Variants in USP34 observed in about 807,000 individuals in gnomAD.
USP34 encodes the protein ubiquitin carboxyl-terminal hydrolase 34.
Under a neutral mutation model 460.3 loss-of-function variants are expected in USP34, and 70 were observed. That is an observed-to-expected ratio of 0.15 (90% CI 0.13 to 0.19). The LOEUF is 0.19. Among genes scored for constraint, USP34 ranks in the 10% least tolerant of loss-of-function variants. The probability of loss-of-function intolerance (pLI) is 1.00; values close to 1 mark genes in which losing one functional copy is unlikely to be tolerated. For missense variants in USP34, 3,985 were observed against 4,236.2 expected, an observed-to-expected ratio of 0.94 and a Z score of 1.65; for synonymous variants, 1,647 against 1,405.3, an observed-to-expected ratio of 1.17 and a Z score of -3.85.
chr2:61,248,933 G>C (rs986434142), intron 48 of USP34, among the ~76,000 whole-genome samples: 2 of 152,076 alleles, frequency 1.3e-5, no homozygotes, highest in East Asian at 1.9e-4. Context: ...TTAGAAATTA[G>C]GCACAGCAAG....
chr2:61,221,544 T>C lies in USP34; in HGVS notation c.7857A>G (p.Gly2619=), dbSNP rs922924614. Residue 2619 remains glycine, a synonymous_variant, in exon 66 of 80, where the codon GGA becomes GGG. Transcript: ENST00000398571. ...MLMEFAGGPP[G]MPPFASYILQ... is the part of the protein sequence containing the mutation. ...GAATATAAGATGCAAAGGGAGGCATTCCTGGAGGTCCACCAGCAAACTCCA... is the reference window on the plus strand; with the variant it reads ...GAATATAAGATGCAAAGGGAGGCATCCCTGGAGGTCCACCAGCAAACTCCA... 1.2e-6 allele frequency: 2 copies of C among 1,613,994 alleles called. No homozygotes were observed. The highest frequency in any genetic ancestry group is 1.7e-6 in the Non-Finnish European group (2 of 1,179,980).
At chr2:61,350,174 T>C in intron 12 of USP34, 86 bp downstream of exon 12, 3 of 1,371,264 alleles carry the variant, frequency 2.2e-6, no homozygotes, top group South Asian at 2.9e-5. Flanking sequence ...AAAATAAAGA[T>C]TGAACTGAAT....
chr2:61,207,102 A>C (rs1687141627), intron 70 of USP34: 1 of 450,384 alleles, frequency 2.2e-6, no homozygotes, highest in African/African-American at 2.0e-5. Flanking sequence ...TTTTGTGTGT[A>C]TATTCTAGTC....
rs70963432 is a variant in USP34 at position 61,451,220 on chromosome 2, C to CAAAAAAAAAAAAA, written c.43+19417_43+19429dup. Among the ~76,000 whole-genome samples the CAAAAAAAAAAAAA allele has an allele frequency of 3.4e-3, 174 of 50,758 alleles. 7 individuals carry two copies. The highest frequency in any genetic ancestry group is 4.4e-3 in the Non-Finnish European group (118 of 26,768). 33.3% of individuals were successfully genotyped at this position (50,758 alleles called of 152,430 possible). On this transcript the variant is annotated intron_variant, in intron 1 of 79. Transcript: ENST00000398571. ...CAGGTGACAGTGTGAGGCTTCATCT[C>CAAAAAAAAAAAAA]AAAAAAAAAAAAAAAAAAAAAAAAA... is the stretch of plus-strand genomic sequence containing the variant.
intron 62 of USP34, among the ~76,000 whole-genome samples, chr2:61,226,444 T>C (rs1214376664): frequency 1.3e-5 from 2 of 151,694 alleles, no homozygotes; most frequent in Admixed American, 6.6e-5. Context: ...TACATACACA[T>C]ACACACACAC....
rs1209318994 is a variant in USP34, at chr2:61,245,298, A to G, written c.6549-10T>C. 4 of 1,571,614 alleles carry G rather than the reference A, an allele frequency of 2.5e-6. No homozygotes were observed. Among genetic ancestry groups the G allele is most frequent in the Non-Finnish European group, 3.5e-6 (4 of 1,146,720 alleles). The stretch of plus-strand genomic sequence containing the variant: ...ATCATTAAAAAGATACCTAAAATAG[A>G]GCATATAGTATTAATCTAGTATGCA... On this transcript the variant is annotated splice_polypyrimidine_tract_variant and intron_variant, in intron 50 of 79. Coordinates refer to ENST00000398571, the MANE Select transcript of USP34 (RefSeq NM_014709.4).
chr2:61,453,802 T>A (rs1028814381), intron 1 of USP34, among the ~76,000 whole-genome samples: 1 of 151,714 alleles, frequency 6.6e-6, no homozygotes, highest in Non-Finnish European at 1.5e-5. Context: ...CAGATTTCTA[T>A]GCTTAAAAAT....
At chr2:61,377,798 A>G (rs1572982715) in intron 8 of USP34, among the ~76,000 whole-genome samples, 1 of 152,214 alleles carries the variant, frequency 6.6e-6, no homozygotes, top group Non-Finnish European at 1.5e-5. Context: ...TATCAGTACC[A>G]TATTTTTCAA....
At chr2:61,440,865 CGCCTGTAATCTCAGCACTATGGGAG>C (rs1694944920) in intron 1 of USP34, among the ~76,000 whole-genome samples, 1 of 151,614 alleles carries the variant, frequency 6.6e-6, no homozygotes, top group Non-Finnish European at 1.5e-5. Flanking sequence ...CAGTGGCTCA[CGCCTGTAATCTCAGCACTATGGGAG>C]GCCGAGACGG....
In USP34 at chr2:61,315,148, T is replaced by TA. The variant is rs541354611; in HGVS notation, c.3283-175dup. On this transcript the variant is annotated intron_variant, in intron 23 of 79. Coordinates refer to ENST00000398571, the MANE Select transcript of USP34 (RefSeq NM_014709.4). ...TGATGAAATACACCTGTACTAGTTC[T>TA]AAAAAATATTTATACAGCAGATAAC... is the stretch of plus-strand genomic sequence containing the variant. 2.8e-3 allele frequency among the ~76,000 whole-genome samples: 420 copies of TA among 152,318 alleles called. 1 individual carries two copies. Among genetic ancestry groups the TA allele is most frequent in the African/African-American group, 9.5e-3 (393 of 41,558 alleles).
chr2:61,223,976 C>A (rs1687661528), intron 62 of USP34, among the ~76,000 whole-genome samples: 1 of 152,174 alleles, frequency 6.6e-6, no homozygotes, highest in Non-Finnish European at 1.5e-5. Context: ...TATTCTGAAG[C>A]AAATTCCAGG....
intron 19 of USP34, 139 bp downstream of exon 19, chr2:61,333,743 A>G (rs1316349821): frequency 4.1e-6 from 2 of 485,700 alleles, no homozygotes; most frequent in Non-Finnish European, 6.9e-6. Flanking sequence ...AAGTGGCAGA[A>G]AAATCTAAGA....
At chr2:61,202,760 T>C (rs1052426720) in intron 75 of USP34, among the ~76,000 whole-genome samples, 21 of 152,292 alleles carry the variant, frequency 1.4e-4, no homozygotes, top group African/African-American at 2.6e-4. Context: ...GCTGGCACTA[T>C]AGATCTCATC....
At chr2:61,311,997 GA>G in intron 25 of USP34, 87 bp from the exon 26 acceptor site, 1 of 1,491,754 alleles carries the variant, frequency 6.7e-7, no homozygotes. Context: ...TTACAGACTG[GA>G]AAAGTCCAAA....
At chr2:61,464,125 T>C (rs12713436) in intron 1 of USP34, among the ~76,000 whole-genome samples, 95,393 of 152,116 alleles carry the variant, frequency 0.63, 29,973 homozygotes, top group Middle Eastern at 0.7. Context: ...TCAAGACCAG[T>C]GTGGCCAAAC....
At chr2:61,340,129 G>C (rs1479151193) in intron 16 of USP34, among the ~76,000 whole-genome samples, 3 of 151,676 alleles carry the variant, frequency 2.0e-5, no homozygotes, top group African/African-American at 7.3e-5. Flanking sequence ...GTGTGAATAA[G>C]ACAACATATT....
At chr2:61,313,454 A>G (rs1259358340) in intron 25 of USP34, among the ~76,000 whole-genome samples, 1 of 152,170 alleles carries the variant, frequency 6.6e-6, no homozygotes, top group Non-Finnish European at 1.5e-5. Flanking sequence ...CACAGCATAG[A>G]AAAAATTTTA....
chr2:61,266,234 T>A (rs931809408), intron 41 of USP34, 67 bp from the exon 42 acceptor site: 32 of 1,419,622 alleles, frequency 2.3e-5, no homozygotes, highest in Non-Finnish European at 3.0e-5. Context: ...ATAGTTAACA[T>A]ATACACAGGA....
At chr2:61,265,238 A>G (rs996257318) in intron 43 of USP34, 159 bp downstream of exon 43, 15 of 770,666 alleles carry the variant, frequency 1.9e-5, no homozygotes, top group African/African-American at 1.1e-4. Flanking sequence ...ACTAAAATGT[A>G]TAACTATGTA....
Sources: gnomAD v4.1 joint callset for allele counts (sites outside exome capture counted in the v4.1 genomes callset) on GRCh38, gnomAD v4.1.1 for gene constraint, MANE v1.5 for transcripts, NCBI Gene and HGNC (gene_info 2026-07-23, HGNC 2026-07-21) for gene names.